Variants in GALNT11 observed in about 807,000 individuals in gnomAD.
GALNT11 encodes UDP-GalNAc:polypeptide N-acetylgalactosaminyltransferase 11.
GALNT11 carries 47 observed loss-of-function variants against 72.7 expected under a neutral mutation model. The ratio of observed to expected loss-of-function variants is 0.65; its 90% CI spans 0.51 to 0.82. GALNT11 has a LOEUF of 0.82. Among genes scored for constraint, GALNT11 ranks in the 40% least tolerant of loss-of-function variants. The pLI is 0.00. For missense variants in GALNT11, 677 were observed against 778.4 expected, an observed-to-expected ratio of 0.87 and a Z score of 1.55; for synonymous variants, 270 against 286.6, an observed-to-expected ratio of 0.94 and a Z score of 0.58.
intron 1 of GALNT11, among the ~76,000 whole-genome samples, chr7:152,029,723 C>A (rs992006026): frequency 1.3e-5 from 2 of 152,238 alleles, no homozygotes; most frequent in Non-Finnish European, 2.9e-5. Flanking sequence ...GTTCCCTTAT[C>A]ATTTACTGAA....
chr7:152,059,390 C>A (rs2083877835), intron 1 of GALNT11, among the ~76,000 whole-genome samples: 1 of 152,074 alleles, frequency 6.6e-6, no homozygotes, highest in African/African-American at 2.4e-5. Flanking sequence ...GCATGAGACA[C>A]CATACCTGGC....
At chr7:152,037,422 T>C (rs1330078347) in intron 1 of GALNT11, among the ~76,000 whole-genome samples, 3 of 152,196 alleles carry the variant, frequency 2.0e-5, no homozygotes, top group African/African-American at 7.2e-5. Flanking sequence ...TTGGTCTGTG[T>C]GTCTGTTTTT....
intron 7 of GALNT11, 130 bp from the exon 8 acceptor site, chr7:152,113,116 C>A: frequency 1.1e-6 from 1 of 900,708 alleles, no homozygotes; most frequent in Non-Finnish European, 1.7e-6. Flanking sequence ...ATATTTGTAT[C>A]TAATAAGATA....
chr7:152,121,843 C>CT lies in GALNT11; in HGVS notation c.*167dup. 1.3e-6 allele frequency: 1 copy of CT among 772,730 alleles called. No individual in the cohort carries two copies. The highest frequency in any genetic ancestry group is 2.1e-5 in the South Asian group (1 of 48,136). The allele number at this position is 772,730 out of a possible 1,614,324, so 47.9% of individuals were successfully genotyped here. A position where few individuals can be genotyped will look rare whatever the true frequency, so the allele number is the denominator to read the frequency against. ...GTGTGTTAGCAGAGGTGACACGTGTCTGACAGAGACGGGAGCTCTGAGTGT... is the reference window on the plus strand; with the variant it reads ...GTGTGTTAGCAGAGGTGACACGTGTCTTGACAGAGACGGGAGCTCTGAGTGT... On this transcript the variant is annotated 3_prime_UTR_variant, in exon 12 of 12. Coordinates refer to ENST00000430044, the MANE Select transcript of GALNT11 (RefSeq NM_022087.4).
At chr7:152,099,547 T>TG (rs2086656103) in intron 2 of GALNT11, among the ~76,000 whole-genome samples, 2 of 135,670 alleles carry the variant, frequency 1.5e-5, no homozygotes, top group Non-Finnish European at 3.2e-5. Context: ...TTTTTTTTTT[T>TG]TTTTTTTTTT....
At chr7:152,059,245 G>C (rs1322966140) in intron 1 of GALNT11, among the ~76,000 whole-genome samples, 2 of 151,918 alleles carry the variant, frequency 1.3e-5, no homozygotes. Flanking sequence ...ACAGGCATGT[G>C]CCACCATGCC....
intron 10 of GALNT11, chr7:152,119,524 C>T (rs1021768695): frequency 5.9e-5 from 9 of 152,002 alleles, no homozygotes; most frequent in Non-Finnish European, 1.0e-4. Flanking sequence ...AGCGCTCCAC[C>T]AGAAGAGGTC....
chr7:152,091,870 G>A (rs914168491), intron 1 of GALNT11, among the ~76,000 whole-genome samples: 4 of 152,200 alleles, frequency 2.6e-5, no homozygotes, highest in Admixed American at 6.5e-5. Flanking sequence ...AAGAAAACAC[G>A]AGAAACGACA....
At chr7:152,081,102 A>C (rs2085299343) in intron 1 of GALNT11, among the ~76,000 whole-genome samples, 1 of 152,216 alleles carries the variant, frequency 6.6e-6, no homozygotes, top group Non-Finnish European at 1.5e-5. Context: ...ATTTTCATTA[A>C]ATCATTCAGA....
In GALNT11 at chr7:152,039,132, G is replaced by A. The variant is rs558118488; in HGVS notation, c.-39+13248G>A. On this transcript the variant is annotated intron_variant, in intron 1 of 11. Coordinates refer to ENST00000430044, the MANE Select transcript of GALNT11 (RefSeq NM_022087.4). ...ATTTTGTTCAGACCAGCTGAACATAGTGTGGCCATGGCACGCAGACTGAGG... is the reference window on the plus strand; with the variant it reads ...ATTTTGTTCAGACCAGCTGAACATAATGTGGCCATGGCACGCAGACTGAGG... Among the ~76,000 whole-genome samples, 176 of 152,274 alleles carry A rather than the reference G, an allele frequency of 1.2e-3. 1 individual carries two copies. The highest frequency in any genetic ancestry group is 2.2e-3 in the Non-Finnish European group (149 of 68,028).
intron 6 of GALNT11, 30 bp downstream of exon 6, chr7:152,108,317 C>T: frequency 6.3e-7 from 1 of 1,585,446 alleles, no homozygotes; most frequent in Non-Finnish European, 8.6e-7. Flanking sequence ...TGACAAATTC[C>T]TACCAGTGCT....
chr7:152,085,377 A>C (rs1401682475), intron 1 of GALNT11, among the ~76,000 whole-genome samples: 4 of 152,184 alleles, frequency 2.6e-5, no homozygotes, highest in Non-Finnish European at 4.4e-5. Flanking sequence ...TAACTGCTGA[A>C]GTTTTGGCCC....
rs563781135 is a variant in GALNT11, at chr7:152,060,827, T to TA, written c.-38-33362dup. ...CTCACCCTTTTCTATGGCTGTATAG[T>TA]ATTCCATGGTGTATATGCGCCACAT... On this transcript the variant is annotated intron_variant, in intron 1 of 11. Coordinates refer to ENST00000430044, the MANE Select transcript of GALNT11 (RefSeq NM_022087.4). 3.6e-4 allele frequency among the ~76,000 whole-genome samples: 55 copies of TA among 152,356 alleles called. No individual in the cohort carries two copies. In the East Asian group the frequency reaches 0.011, roughly 29 times the overall value.
At chr7:152,048,914 T>G (rs1465215184) in intron 1 of GALNT11, among the ~76,000 whole-genome samples, 3 of 151,560 alleles carry the variant, frequency 2.0e-5, no homozygotes, top group African/African-American at 7.3e-5. Flanking sequence ...GTTAAGAGAC[T>G]GATGTATTCT....
At chr7:152,061,716 A>G (rs992021101) in intron 1 of GALNT11, among the ~76,000 whole-genome samples, 4 of 152,184 alleles carry the variant, frequency 2.6e-5, no homozygotes, top group East Asian at 1.9e-4. Flanking sequence ...TCCCAGCACC[A>G]TTTATTAAAT....
intron 1 of GALNT11, among the ~76,000 whole-genome samples, chr7:152,052,364 A>T (rs921046602): frequency 2.0e-5 from 3 of 152,036 alleles, no homozygotes; most frequent in Non-Finnish European, 4.4e-5. Context: ...TATACTATAT[A>T]CTCAAAAGTA....
chr7:152,071,652 T>C (rs2084657092), intron 1 of GALNT11, among the ~76,000 whole-genome samples: 1 of 152,166 alleles, frequency 6.6e-6, no homozygotes, highest in Admixed American at 6.5e-5. Flanking sequence ...GGGTATTGAT[T>C]GGGGAAGTGA....
At chr7:152,107,620 A>G (rs998065494) in intron 5 of GALNT11, 14 of 164,882 alleles carry the variant, frequency 8.5e-5, no homozygotes, top group Non-Finnish European at 1.6e-4. Context: ...AAACTTCAAA[A>G]TATTTTGATT....
intron 1 of GALNT11, among the ~76,000 whole-genome samples, chr7:152,055,123 AC>A (rs1308381397): frequency 1.3e-5 from 2 of 152,124 alleles, no homozygotes; most frequent in Non-Finnish European, 2.9e-5. Context: ...TTATAAAGAC[AC>A]CAGTCCTATT....
Sources: gnomAD v4.1 joint callset for allele counts (sites outside exome capture counted in the v4.1 genomes callset) on GRCh38, gnomAD v4.1.1 for gene constraint, MANE v1.5 for transcripts, NCBI Gene and HGNC (gene_info 2026-07-23, HGNC 2026-07-21) for gene names.